The following TSPAN15 variants were observed in gnomAD, a reference collection of about 807,000 sequenced individuals.
TSPAN15 encodes the protein tetraspanin 15, also known as tetraspanin-15.
Under a neutral mutation model 34.5 loss-of-function variants are expected in TSPAN15, and 20 were observed. The observed-to-expected ratio is 0.58, with a 90% CI of 0.41 to 0.84. The LOEUF (loss-of-function observed/expected upper bound fraction) is 0.84. Ranked by LOEUF, TSPAN15 falls within the 40% of genes least tolerant of loss-of-function variation. The pLI is 0.00. For missense variants in TSPAN15, 313 were observed against 386.1 expected (o/e 0.81, Z 1.59); for synonymous variants, 155 against 153.9 (o/e 1.01, Z -0.05).
the TSPAN15 span, among the ~76,000 whole-genome samples, chr10:69,549,465 G>T: frequency 6.6e-6 from 1 of 152,160 alleles, no homozygotes. Context: ...TCTGAGACAT[G>T]GCTTCTGTTA....
chr10:69,483,950 A>C (rs1311083324), intron 2 of TSPAN15, 74 bp downstream of exon 2: 20 of 1,504,316 alleles, frequency 1.3e-5, no homozygotes, highest in Admixed American at 2.1e-5. Context: ...GCCCTTGGGC[A>C]GCTCAGTTTC....
chr10:69,451,555 A>G lies in TSPAN15; in HGVS notation c.-40A>G. On this transcript the variant is annotated 5_prime_UTR_variant, in exon 1 of 8. Coordinates refer to ENST00000373290, the MANE Select transcript of TSPAN15 (RefSeq NM_012339.5). ...CGCTGGCTGAGGGACCGAGCCGGAG[A>G]GCCCCGGAGCCCCCGTAACCCGCGC... is the stretch of plus-strand genomic sequence containing the variant. 7.4e-7 allele frequency: 1 copy of G among 1,355,528 alleles called. No individual in the cohort carries two copies. Among genetic ancestry groups the G allele is most frequent in the South Asian group, 1.8e-5 (1 of 55,862 alleles). 84.0% of individuals were successfully genotyped at this position (1,355,528 alleles called of 1,614,324 possible).
the TSPAN15 span, among the ~76,000 whole-genome samples, chr10:69,536,037 C>T: frequency 1.4e-4 from 21 of 152,282 alleles, 1 homozygote; most frequent in African/African-American, 3.1e-4. Flanking sequence ...GGCCGGAGGT[C>T]GCTTAGTTCA....
the TSPAN15 span, among the ~76,000 whole-genome samples, chr10:69,529,712 A>G: frequency 1.4e-5 from 2 of 147,340 alleles, 1 homozygote; most frequent in Admixed American, 1.4e-4. Flanking sequence ...CTTTATTTCA[A>G]TCATTTTTGG....
chr10:69,499,470 A>T (rs1471844290), intron 5 of TSPAN15, among the ~76,000 whole-genome samples: 1 of 152,192 alleles, frequency 6.6e-6, no homozygotes, highest in Non-Finnish European at 1.5e-5. Flanking sequence ...GGTGATCCTG[A>T]ACCTCATCAC....
At chr10:69,494,865 G>T (rs1358077633) in intron 3 of TSPAN15, 6 of 985,280 alleles carry the variant, frequency 6.1e-6, no homozygotes, top group Middle Eastern at 5.2e-4. Context: ...CCTTCCCACT[G>T]TGGGGCCCTT....
chr10:69,471,120 A>G (rs566877172), intron 1 of TSPAN15, among the ~76,000 whole-genome samples: 1 of 152,146 alleles, frequency 6.6e-6, no homozygotes, highest in South Asian at 2.1e-4. Flanking sequence ...TGTTTTTCTT[A>G]CTTATTTGCC....
At chr10:69,488,875 G>A (rs770879799) in intron 3 of TSPAN15, among the ~76,000 whole-genome samples, 3 of 152,150 alleles carry the variant, frequency 2.0e-5, no homozygotes, top group Non-Finnish European at 4.4e-5. Context: ...ACAAGGCAAA[G>A]GGCAAAAGCA....
At chr10:69,519,232 T>C in the TSPAN15 span, among the ~76,000 whole-genome samples, 1 of 152,074 alleles carries the variant, frequency 6.6e-6, no homozygotes, top group South Asian at 2.1e-4. Flanking sequence ...GCCTGGGCAA[T>C]GGGAGACCCT....
rs1391930233 is a variant in TSPAN15, at chr10:69,476,863, T to C, written c.97-6828T>C. Among the ~76,000 whole-genome samples, 2 of 152,012 alleles carry C rather than the reference T, an allele frequency of 1.3e-5. 1 individual carries two copies. On this transcript the variant is annotated intron_variant, in intron 1 of 7. Transcript: ENST00000373290. ...CCAGGTCAGTGGGATGGAGGTTCAGTGTCCCCAGAACTTAGAGTACCGCCT... is the reference window on the plus strand; with the variant it reads ...CCAGGTCAGTGGGATGGAGGTTCAGCGTCCCCAGAACTTAGAGTACCGCCT...
chr10:69,455,586 C>G lies in TSPAN15; in HGVS notation c.96+3896C>G, dbSNP rs758136588. On this transcript the variant is annotated intron_variant, in intron 1 of 7. Transcript: ENST00000373290. ...TTCTTTCTTTCTCTTTTCTTTCTTT[C>G]TTTCTCTTTCTTTCTTTCTTTCTCT... Among the ~76,000 whole-genome samples the G allele has an allele frequency of 1.5e-3, 168 of 115,038 alleles. 5 individuals carry two copies. Among genetic ancestry groups the G allele is most frequent in the Non-Finnish European group, 8.8e-4 (46 of 52,192 alleles). 75.5% of individuals were successfully genotyped at this position (115,038 alleles called of 152,430 possible).
chr10:69,531,473 C>T, the TSPAN15 span, among the ~76,000 whole-genome samples: 2 of 152,174 alleles, frequency 1.3e-5, no homozygotes, highest in South Asian at 4.2e-4. Flanking sequence ...GTGGTGGGTG[C>T]CTGTAGTCCC....
chr10:69,463,949 GC>G (rs1467671715), intron 1 of TSPAN15, among the ~76,000 whole-genome samples: 1 of 152,230 alleles, frequency 6.6e-6, no homozygotes, highest in Non-Finnish European at 1.5e-5. Flanking sequence ...ACCTGAGTGT[GC>G]CATAAATCCA....
the TSPAN15 span, among the ~76,000 whole-genome samples, chr10:69,525,098 T>A: frequency 4.1e-5 from 6 of 146,948 alleles, 1 homozygote; most frequent in South Asian, 2.2e-4. Context: ...ATCTTTTTTT[T>A]AAAAGGGACA....
intron 1 of TSPAN15, among the ~76,000 whole-genome samples, chr10:69,467,747 C>T (rs1297177023): frequency 2.0e-5 from 3 of 152,076 alleles, no homozygotes; most frequent in African/African-American, 7.2e-5. Flanking sequence ...GTTATAGCCA[C>T]AACACCATTA....
At chr10:69,546,868 G>A in the TSPAN15 span, among the ~76,000 whole-genome samples, 5 of 152,148 alleles carry the variant, frequency 3.3e-5, no homozygotes, top group African/African-American at 9.7e-5. Flanking sequence ...GTGAGGCCGG[G>A]CACAGTGGCT....
chr10:69,492,159 AT>A, intron 3 of TSPAN15, among the ~76,000 whole-genome samples: 1 of 152,120 alleles, frequency 6.6e-6, no homozygotes, highest in African/African-American at 2.4e-5. Context: ...TTGGAGGGGA[AT>A]GGGGTGGGGG....
chr10:69,525,633 C>A, the TSPAN15 span, among the ~76,000 whole-genome samples: 2 of 146,804 alleles, frequency 1.4e-5, 1 homozygote, highest in Non-Finnish European at 3.0e-5. Context: ...CCAGCCTGGC[C>A]AACATGGGGA....
the TSPAN15 span, among the ~76,000 whole-genome samples, chr10:69,512,753 C>T: frequency 9.2e-5 from 14 of 152,330 alleles, no homozygotes; most frequent in African/African-American, 2.9e-4. Context: ...CATTTTGTAG[C>T]ATATATCAGA....
Sources: allele counts gnomAD v4.1 joint callset (sites outside exome capture counted in the v4.1 genomes callset), GRCh38; gene constraint gnomAD v4.1.1; transcripts MANE v1.5; gene names NCBI Gene and HGNC (gene_info 2026-07-23, HGNC 2026-07-21).